Variants in ATP8B1 observed in about 807,000 individuals in gnomAD.
The protein encoded by ATP8B1 is phospholipid-transporting ATPase IC.
In ATP8B1, 80 loss-of-function variants were observed where a neutral mutation model predicts 149.9. The observed-to-expected ratio is 0.53, with a 90% CI of 0.45 to 0.64. The LOEUF (loss-of-function observed/expected upper bound fraction) is 0.64. ATP8B1 is among the 30% of genes least tolerant of loss of function. ATP8B1 has a pLI of 0.00. For missense variants in ATP8B1, 1,247 were observed against 1,552.6 expected, an observed-to-expected ratio of 0.80 and a Z score of 3.31; for synonymous variants, 536 against 562.8, an observed-to-expected ratio of 0.95 and a Z score of 0.67.
At chr18:57,706,445 A>G (rs370799296) in intron 3 of ATP8B1, 45 bp downstream of exon 3, 8 of 1,559,086 alleles carry the variant, frequency 5.1e-6, no homozygotes, top group Middle Eastern at 1.7e-4. Context: ...GCTACTGGAA[A>G]AAACTGCATT....
At chr18:57,794,052 A>G (rs537154924) in intron 1 of ATP8B1, among the ~76,000 whole-genome samples, 145 of 152,316 alleles carry the variant, frequency 9.5e-4, no homozygotes, top group Non-Finnish European at 1.8e-3. Flanking sequence ...TGTTAACCCC[A>G]GTATTCTTTT....
chr18:57,711,585 G>A (rs908780419), intron 2 of ATP8B1, among the ~76,000 whole-genome samples: 3 of 152,122 alleles, frequency 2.0e-5, no homozygotes, highest in African/African-American at 7.2e-5. Context: ...ACTGGTAACC[G>A]TAATTTCTTT....
chr18:57,787,121 T>A (rs1415561686), intron 1 of ATP8B1, among the ~76,000 whole-genome samples: 2 of 152,220 alleles, frequency 1.3e-5, no homozygotes, highest in African/African-American at 4.8e-5. Flanking sequence ...ATATTCATGT[T>A]AAATTCTCAG....
chr18:57,788,504 G>A (rs948642115), intron 1 of ATP8B1, among the ~76,000 whole-genome samples: 3 of 150,940 alleles, frequency 2.0e-5, no homozygotes, highest in Admixed American at 6.6e-5. Context: ...CTGGTGAGCC[G>A]TGATTGTGCC....
chr18:57,803,303 G>T lies in ATP8B1; in HGVS notation c.-331C>A, dbSNP rs892081963. Among the ~76,000 whole-genome samples the T allele has an allele frequency of 1.3e-5, 2 of 152,224 alleles. No homozygotes were observed. Among genetic ancestry groups the T allele is most frequent in the Non-Finnish European group, 1.5e-5 (1 of 68,040 alleles). On this transcript the variant is annotated 5_prime_UTR_variant, in exon 1 of 28. Coordinates refer to ENST00000648908, the MANE Select transcript of ATP8B1 (RefSeq NM_001374385.1). ...CCGGCCAAACTGGTTTCTCCGCTCG[G>T]GGAGGTGCCTCTGGTTTCCCTCCAG...
chr18:57,740,263 A>AT (rs894419072), intron 1 of ATP8B1, among the ~76,000 whole-genome samples: 5 of 148,974 alleles, frequency 3.4e-5, no homozygotes, highest in Admixed American at 2.0e-4. Flanking sequence ...GTCCTTCATC[A>AT]TTTTTTTTTA....
At chr18:57,685,136 A>G (rs764908887) in intron 13 of ATP8B1, 21 bp from the exon 14 acceptor site, 2 of 1,613,816 alleles carry the variant, frequency 1.2e-6, no homozygotes, top group Non-Finnish European at 1.7e-6. Flanking sequence ...AACAGGACAA[A>G]ACAAATTGAT....
Position 57,652,127 on chromosome 18 carries a change from T to C in ATP8B1, c.3307A>G (p.Ile1103Val), listed in dbSNP as rs758728677. Residue 1103 changes from isoleucine (I) to valine (V), a missense_variant, in exon 26 of 28, where the codon ATT (isoleucine) becomes GTT (valine). By Grantham distance (29) the Ile-to-Val change is conservative. This residue lies in a region of ATP8B1 where 230 missense variants were observed against 356.6 expected (regional missense o/e 0.65). Transcript: ENST00000648908. ...AAATAAAGTGCAATGCTTCCAAAAA[T>C]TGAAAAAGCATTCACAAAAGTCCAA... ...SYWTFVNAFS[I>V]FGSIALYFGI... 5.6e-6 allele frequency: 9 copies of C among 1,614,100 alleles called. No individual in the cohort carries two copies. The highest frequency in any genetic ancestry group is 1.3e-5 in the African/African-American group (1 of 75,044).
chr18:57,739,114 G>A (rs2079886499), intron 1 of ATP8B1, among the ~76,000 whole-genome samples: 1 of 152,054 alleles, frequency 6.6e-6, no homozygotes, highest in Non-Finnish European at 1.5e-5. Context: ...TCCTGCCTCA[G>A]CCTCTCAAGT....
chr18:57,694,546 C>A, intron 11 of ATP8B1, 36 bp downstream of exon 11: 1 of 1,338,462 alleles, frequency 7.5e-7, no homozygotes, highest in South Asian at 1.2e-5. Context: ...AGACAGCAAT[C>A]TAGATGAGAG....
chr18:57,703,975 T>C (rs1299134582), intron 4 of ATP8B1, among the ~76,000 whole-genome samples: 1 of 151,518 alleles, frequency 6.6e-6, no homozygotes, highest in Non-Finnish European at 1.5e-5. Flanking sequence ...TTTTATTTTA[T>C]TTTTTTTTAA....
At chr18:57,652,229 A>G in intron 25 of ATP8B1, 57 bp from the exon 26 acceptor site, 4 of 1,603,478 alleles carry the variant, frequency 2.5e-6, no homozygotes, top group Non-Finnish European at 3.4e-6. Flanking sequence ...GCAAGAAATA[A>G]AGGATCTAAC....
At chr18:57,655,510 C>G in intron 22 of ATP8B1, 93 bp from the exon 23 acceptor site, 2 of 1,108,802 alleles carry the variant, frequency 1.8e-6, no homozygotes, top group Non-Finnish European at 2.7e-6. Flanking sequence ...AAACAAAAAA[C>G]AAAGACAGAC....
intron 1 of ATP8B1, among the ~76,000 whole-genome samples, chr18:57,798,875 C>CT (rs1465806296): frequency 1.3e-5 from 2 of 152,102 alleles, no homozygotes; most frequent in African/African-American, 4.8e-5. Flanking sequence ...CTGGGGAACT[C>CT]TATCTTTCCA....
intron 1 of ATP8B1, among the ~76,000 whole-genome samples, chr18:57,797,703 C>CTTTTTTTTTTT (rs59261353): frequency 5.1e-4 from 49 of 96,288 alleles, no homozygotes; most frequent in Non-Finnish European, 6.1e-4. Flanking sequence ...TTCTTTCTTT[C>CTTTTTTTTTTT]TTTTTTTTTT....
intron 24 of ATP8B1, among the ~76,000 whole-genome samples, chr18:57,653,256 C>T (rs972044619): frequency 8.1e-5 from 12 of 148,254 alleles, no homozygotes; most frequent in African/African-American, 2.2e-4. Context: ...ATTGGACTCT[C>T]GGGTGCCTTT....
intron 1 of ATP8B1, among the ~76,000 whole-genome samples, chr18:57,799,849 A>C (rs1188509891): frequency 1.3e-5 from 2 of 152,194 alleles, no homozygotes; most frequent in African/African-American, 4.8e-5. Context: ...TCAGTGATAG[A>C]GGACCTCAAA....
chr18:57,679,474 A>C (rs1044972377), intron 15 of ATP8B1, among the ~76,000 whole-genome samples: 1 of 152,126 alleles, frequency 6.6e-6, no homozygotes, highest in Non-Finnish European at 1.5e-5. Context: ...TTTAGAGGCA[A>C]CCAGAAAGAC....
chr18:57,773,992 G>A (rs1476361446), intron 1 of ATP8B1, among the ~76,000 whole-genome samples: 5 of 152,096 alleles, frequency 3.3e-5, no homozygotes, highest in African/African-American at 4.8e-5. Context: ...GTTACTCCTC[G>A]GCTCGAAACT....
Sources: allele counts gnomAD v4.1 joint callset (sites outside exome capture counted in the v4.1 genomes callset), GRCh38; gene constraint gnomAD v4.1.1; regional missense constraint gnomAD v4.1.1; transcripts MANE v1.5; gene names NCBI Gene and HGNC (gene_info 2026-07-23, HGNC 2026-07-21).